The following RFX4 variants were observed in gnomAD, a reference collection of about 807,000 sequenced individuals.
RFX4 encodes the protein transcription factor RFX4.
Under a neutral mutation model 95.0 loss-of-function variants are expected in RFX4, and 10 were observed. The observed-to-expected ratio is 0.11, with a 90% confidence interval of 0.06 to 0.18. The LOEUF (loss-of-function observed/expected upper bound fraction) is 0.18, where lower values mean the gene tolerates loss of function less well. RFX4 is among the 10% of genes least tolerant of loss of function. The pLI, the probability that RFX4 is intolerant of heterozygous loss-of-function variation, is 1.00. For missense variants in RFX4, 640 were observed against 922.0 expected, an observed-to-expected ratio of 0.69 and a Z score of 3.96; for synonymous variants, 321 against 340.7, an observed-to-expected ratio of 0.94 and a Z score of 0.64.
intron 4 of RFX4, among the ~76,000 whole-genome samples, chr12:106,671,910 C>T (rs1592921163): frequency 6.6e-6 from 1 of 152,142 alleles, no homozygotes; most frequent in African/African-American, 2.4e-5. Flanking sequence ...AATCCGCCCA[C>T]CTCGGCCTCC....
intron 1 of RFX4, among the ~76,000 whole-genome samples, chr12:106,601,501 C>T (rs1447501536): frequency 1.3e-5 from 2 of 152,206 alleles, no homozygotes; most frequent in Non-Finnish European, 2.9e-5. Flanking sequence ...GGCCTCAGCA[C>T]AGTGCCCTGA....
intron 1 of RFX4, among the ~76,000 whole-genome samples, chr12:106,593,312 T>G (rs2039573755): frequency 6.6e-6 from 1 of 152,230 alleles, no homozygotes; most frequent in African/African-American, 2.4e-5. Flanking sequence ...ACCCAGTAGT[T>G]GTGCTAAAGA....
rs2042908769 is a variant in RFX4 at position 106,747,018 on chromosome 12, G to C, written c.1634-419G>C. Among the ~76,000 whole-genome samples the C allele has an allele frequency of 2.0e-5, 3 of 152,152 alleles. No homozygotes were observed. The South Asian group carries it at 6.2e-4, about 32-fold the overall frequency. On this transcript the variant is annotated intron_variant, in intron 15 of 17. Coordinates refer to ENST00000392842, the MANE Select transcript of RFX4 (RefSeq NM_213594.3). ...CTCATGGTGCTTTCTGTCTAGTGAG[G>C]GGGCCATTAATCTAATCACATTCAC...
At chr12:106,632,781 G>A (rs1034677102) in intron 2 of RFX4, among the ~76,000 whole-genome samples, 2 of 152,214 alleles carry the variant, frequency 1.3e-5, no homozygotes, top group Non-Finnish European at 2.9e-5. Flanking sequence ...AGCCTCCTGA[G>A]TAGCTGGGAC....
At chr12:106,653,559 A>C (rs1485650980) in intron 3 of RFX4, among the ~76,000 whole-genome samples, 1 of 152,196 alleles carries the variant, frequency 6.6e-6, no homozygotes, top group African/African-American at 2.4e-5. Flanking sequence ...AGTTGTAGAA[A>C]ATCTCTCCTA....
intron 13 of RFX4, among the ~76,000 whole-genome samples, chr12:106,729,574 G>A (rs1469050773): frequency 2.0e-5 from 3 of 152,210 alleles, no homozygotes; most frequent in Admixed American, 6.5e-5. Flanking sequence ...TGTGACATTA[G>A]ACAGCTACTT....
At chr12:106,755,986 A>AT (rs1391690028) in intron 17 of RFX4, among the ~76,000 whole-genome samples, 2 of 152,176 alleles carry the variant, frequency 1.3e-5, no homozygotes, top group Admixed American at 1.3e-4. Flanking sequence ...ATTTTAAGTC[A>AT]TTTGTTTTCA....
At chr12:106,677,978 G>A (rs1014673986) in intron 4 of RFX4, among the ~76,000 whole-genome samples, 3 of 152,016 alleles carry the variant, frequency 2.0e-5, no homozygotes, top group Non-Finnish European at 4.4e-5. Context: ...GATTGATGCT[G>A]GTCACACAGA....
chr12:106,636,495 T>C (rs2040516327), intron 2 of RFX4, among the ~76,000 whole-genome samples: 1 of 151,774 alleles, frequency 6.6e-6, no homozygotes, highest in Non-Finnish European at 1.5e-5. Context: ...AGAGTTAGGA[T>C]CAATGATTGA....
intron 15 of RFX4, among the ~76,000 whole-genome samples, chr12:106,741,245 G>A (rs954796891): frequency 6.6e-6 from 1 of 151,924 alleles, no homozygotes; most frequent in African/African-American, 2.4e-5. Context: ...CACGCCACTG[G>A]CACTCCAGCC....
chr12:106,723,358 T>C (rs2042431034), intron 13 of RFX4, among the ~76,000 whole-genome samples: 1 of 152,220 alleles, frequency 6.6e-6, no homozygotes, highest in South Asian at 2.1e-4. Context: ...AGTCGACTGA[T>C]CTGATTTCAG....
chr12:106,696,169 G>A (rs944487209), intron 7 of RFX4, 114 bp from the exon 8 acceptor site: 31 of 1,243,300 alleles, frequency 2.5e-5, no homozygotes, highest in South Asian at 5.7e-5. Context: ...TTCTGCTGCC[G>A]CAGGGGAAGT....
chr12:106,677,722 A>G (rs2041421731), intron 4 of RFX4, among the ~76,000 whole-genome samples: 1 of 152,120 alleles, frequency 6.6e-6, no homozygotes, highest in South Asian at 2.1e-4. Flanking sequence ...AATCAAAAAA[A>G]CAAATTCCAC....
chr12:106,756,701 G>C (rs947426484), intron 17 of RFX4, among the ~76,000 whole-genome samples: 8 of 152,162 alleles, frequency 5.3e-5, no homozygotes, highest in Admixed American at 5.2e-4. Context: ...GGATAATTAT[G>C]GTATCTATTT....
At position 106,705,006 on chromosome 12, in the gene RFX4, C is replaced by A. The variant is rs758613707; in HGVS notation, c.834-4324C>A. ...GTCAAAGTGCACAATGTGGTACTTT[C>A]ATCAAAGTGGAGTAGGACAGCGGTT... is the stretch of plus-strand genomic sequence containing the variant. On this transcript the variant is annotated intron_variant, in intron 8 of 17. Transcript: ENST00000392842. 7.8e-4 allele frequency among the ~76,000 whole-genome samples: 119 copies of A among 152,304 alleles called. 1 individual carries two copies. Among genetic ancestry groups the A allele is most frequent in the South Asian group, 1.2e-3 (6 of 4,828 alleles).
chr12:106,614,606 T>G (rs1016167747), intron 2 of RFX4, among the ~76,000 whole-genome samples: 1 of 151,472 alleles, frequency 6.6e-6, no homozygotes, highest in African/African-American at 2.4e-5. Flanking sequence ...CCTCCTGGGT[T>G]CACGCCATTC....
chr12:106,594,309 G>A lies in RFX4; in HGVS notation c.43+10946G>A, dbSNP rs996155008. Among the ~76,000 whole-genome samples the A allele has an allele frequency of 3.3e-5, 5 of 152,170 alleles. No individual in the cohort carries two copies. The East Asian group carries it at 7.7e-4, about 23-fold the overall frequency. On this transcript the variant is annotated intron_variant, in intron 1 of 17. Coordinates refer to ENST00000392842, the MANE Select transcript of RFX4 (RefSeq NM_213594.3). The stretch of plus-strand genomic sequence containing the variant: ...GCTTTGGAGAGAAGATTTCTAAAGC[G>A]TCGAGCGGTTGTTGTGAGAAAGGCT...
In RFX4 at chr12:106,631,242, CT is replaced by C. The variant is rs2040410741; in HGVS notation, c.131-8088del. ...CCCGATGGTACTGCTGTTTTGTATG[CT>C]TACTGAAATCAGATGGGAAGGCTCC... On this transcript the variant is annotated intron_variant, in intron 2 of 17. Transcript: ENST00000392842. 5.9e-5 allele frequency among the ~76,000 whole-genome samples: 9 copies of C among 152,332 alleles called. No individual in the cohort carries two copies. In the South Asian group the frequency reaches 1.9e-3, roughly 32 times the overall value.
chr12:106,627,549 A>G (rs1291173094), intron 2 of RFX4, among the ~76,000 whole-genome samples: 1 of 152,142 alleles, frequency 6.6e-6, no homozygotes, highest in African/African-American at 2.4e-5. Flanking sequence ...GAAAAAAACA[A>G]AACAAAACAA....
Sources: allele counts gnomAD v4.1 joint callset (sites outside exome capture counted in the v4.1 genomes callset), GRCh38; gene constraint gnomAD v4.1.1; transcripts MANE v1.5; gene names NCBI Gene and HGNC (gene_info 2026-07-23, HGNC 2026-07-21).